The following IPPK variants were observed in gnomAD, a reference collection of about 807,000 sequenced individuals.
IPPK encodes IPK1 homolog.
A neutral mutation model predicts 64.6 loss-of-function variants in IPPK; 22 were observed. That is an observed-to-expected ratio of 0.34 (90% CI 0.24 to 0.49). IPPK has a LOEUF of 0.49. Among genes scored for constraint, IPPK ranks in the 20% least tolerant of loss-of-function variants. The pLI, the probability that IPPK is intolerant of heterozygous loss-of-function variation, is 0.99. For missense variants in IPPK, 532 were observed against 630.7 expected, an observed-to-expected ratio of 0.84 and a Z score of 1.68; for synonymous variants, 262 against 247.2, an observed-to-expected ratio of 1.06 and a Z score of -0.56.
chr9:92,619,792 CT>C (rs1016084471), intron 11 of IPPK: 11 of 556,332 alleles, frequency 2.0e-5, no homozygotes, highest in Admixed American at 1.2e-4. Context: ...GCACCGCCCC[CT>C]GACCTCTCAC....
intron 11 of IPPK, among the ~76,000 whole-genome samples, chr9:92,627,020 T>G (rs1453294381): frequency 6.6e-6 from 1 of 151,896 alleles, no homozygotes; most frequent in Non-Finnish European, 1.5e-5. Context: ...AGAGGGAATT[T>G]ACCAAAAACC....
chr9:92,642,352 C>T (rs1409571545), intron 7 of IPPK, among the ~76,000 whole-genome samples: 1 of 152,248 alleles, frequency 6.6e-6, no homozygotes, highest in Non-Finnish European at 1.5e-5. Context: ...CAGACCTTGC[C>T]GGGGCAGAAA....
In IPPK at chr9:92,670,065, C is replaced by T; in HGVS notation, c.-77G>A. 2 of 1,102,826 alleles carry T rather than the reference C, an allele frequency of 1.8e-6. No homozygotes were observed. Among genetic ancestry groups the T allele is most frequent in the Non-Finnish European group, 1.3e-6 (1 of 766,570 alleles). 68.3% of individuals were successfully genotyped at this position (1,102,826 alleles called of 1,614,324 possible). Reference sequence around the variant, plus strand: ...GGGGGCCGCCCGCCTCGCTGGGAACCAGCCGCTGCGGTCGGGGGAGGAGCG... The same window carrying T: ...GGGGGCCGCCCGCCTCGCTGGGAACTAGCCGCTGCGGTCGGGGGAGGAGCG... On this transcript the variant is annotated 5_prime_UTR_variant, in exon 1 of 13. Transcript: ENST00000287996.
At chr9:92,618,250 C>CA (rs1851508420) in intron 12 of IPPK, 1 of 456,592 alleles carries the variant, frequency 2.2e-6, no homozygotes, top group Admixed American at 2.3e-5. Context: ...CCAGTGCCTA[C>CA]ACCCTAGGTC....
At chr9:92,666,550 A>G (rs1852601189) in intron 1 of IPPK, among the ~76,000 whole-genome samples, 1 of 152,168 alleles carries the variant, frequency 6.6e-6, no homozygotes, top group Non-Finnish European at 1.5e-5. Context: ...CTGGAGCTCC[A>G]GACACACACC....
intron 11 of IPPK, among the ~76,000 whole-genome samples, chr9:92,621,703 GA>G (rs1851636619): frequency 6.6e-6 from 1 of 151,922 alleles, no homozygotes; most frequent in Non-Finnish European, 1.5e-5. Flanking sequence ...TTTTATTAGA[GA>G]CGAGGTCTCG....
At chr9:92,626,870 C>T (rs945448919) in intron 11 of IPPK, among the ~76,000 whole-genome samples, 3 of 151,328 alleles carry the variant, frequency 2.0e-5, no homozygotes, top group African/African-American at 7.3e-5. Flanking sequence ...CAGAAGACAT[C>T]TTAACAGCAA....
chr9:92,663,285 T>C lies in IPPK; in HGVS notation c.82-4604A>G, dbSNP rs528736106. On this transcript the variant is annotated intron_variant, in intron 1 of 12. Transcript: ENST00000287996. ...CACTTCCCATTGTGTCCCAATGGCC[T>C]GCAGTACTCAGTCCAGAACCATGCT... Among the ~76,000 whole-genome samples, 3 of 152,314 alleles carry C rather than the reference T, an allele frequency of 2.0e-5. No individual in the cohort carries two copies. The South Asian group carries it at 6.2e-4, about 32-fold the overall frequency.
intron 11 of IPPK, chr9:92,620,556 C>T (rs1851597615): frequency 6.6e-6 from 1 of 152,240 alleles, no homozygotes; most frequent in South Asian, 2.1e-4. Flanking sequence ...CATCACTGGC[C>T]TCAATATTTG....
At position 92,613,452 on chromosome 9, in the gene IPPK, C is replaced by T. The variant is rs558623868; in HGVS notation, c.*2380G>A. On this transcript the variant is annotated 3_prime_UTR_variant, in exon 13 of 13. Transcript: ENST00000287996. ...GTGGGGAGGATCCATCCCCCACCCACTGCAGCCTCACACCGAGTCCACCTT... is the reference window on the plus strand; with the variant it reads ...GTGGGGAGGATCCATCCCCCACCCATTGCAGCCTCACACCGAGTCCACCTT... 1 of 325,304 alleles carries T rather than the reference C, an allele frequency of 3.1e-6. No homozygotes were observed. Among genetic ancestry groups the T allele is most frequent in the African/African-American group, 2.1e-5 (1 of 47,002 alleles). The allele number at this position is 325,304 out of a possible 1,614,324, so 20.2% of individuals were successfully genotyped here.
intron 1 of IPPK, among the ~76,000 whole-genome samples, chr9:92,660,350 G>A (rs762760316): frequency 6.6e-6 from 1 of 152,196 alleles, no homozygotes; most frequent in Non-Finnish European, 1.5e-5. Context: ...TCCCTGATCA[G>A]TGTAAACTGA....
chr9:92,661,729 C>A (rs190697596), intron 1 of IPPK, among the ~76,000 whole-genome samples: 1 of 152,360 alleles, frequency 6.6e-6, no homozygotes, highest in East Asian at 1.9e-4. Context: ...TTACAAGAAA[C>A]CTACCCCCAG....
At chr9:92,645,714 C>A (rs977742989) in intron 6 of IPPK, among the ~76,000 whole-genome samples, 1 of 152,036 alleles carries the variant, frequency 6.6e-6, no homozygotes, top group Non-Finnish European at 1.5e-5. Context: ...CATGACATAT[C>A]CTCAGTGCTA....
In IPPK at chr9:92,640,745, G is replaced by A. The variant is rs1474862421; in HGVS notation, c.601C>T (p.Leu201=). The change falls in exon 8 of 13, where the codon CTG becomes TTG. Residue 201 remains leucine, a synonymous_variant. Coordinates refer to ENST00000287996, the MANE Select transcript of IPPK (RefSeq NM_022755.6). Reference sequence around the variant, plus strand: ...TTCAAGTTGTTCTGTGCCTCCTGCAGCAAACTCTTCAAGGCAAAGTGCATT... The same window carrying A: ...TTCAAGTTGTTCTGTGCCTCCTGCAACAAACTCTTCAAGGCAAAGTGCATT... ...QRMHFALKSL[L]QEAQNNLKIF... The A allele has an allele frequency of 6.2e-7, 1 of 1,612,964 alleles. No homozygotes were observed. Among genetic ancestry groups the A allele is most frequent in the South Asian group, 1.1e-5 (1 of 91,046 alleles).
rs1335792101 is a variant in IPPK, at chr9:92,656,520, T to C, written c.161A>G (p.Asn54Ser). 2.5e-6 allele frequency: 4 copies of C among 1,613,548 alleles called. No individual in the cohort carries two copies. The highest frequency in any genetic ancestry group is 2.2e-5 in the East Asian group (1 of 44,876). The change falls in exon 3 of 13, where the codon AAC becomes AGC. Residue 54 changes from asparagine to serine, a missense_variant. Transcript: ENST00000287996. The part of the protein sequence containing the change: ...TSEEIFQHLQ[N>S]IVDFGKNVMK... Reference sequence around the variant, plus strand: ...GACATTTTTCCCAAAGTCCACTATGTTCTGCAGGTGTTGAAATATCTCTTC... The same window carrying C: ...GACATTTTTCCCAAAGTCCACTATGCTCTGCAGGTGTTGAAATATCTCTTC...
At position 92,635,365 on chromosome 9, in the gene IPPK, G is replaced by A; in HGVS notation, c.917-57C>T. Reference sequence around the variant, plus strand: ...TGTTGATTATCAAAGAACGTGGAGGGAGACACAGGCCGGCGCAGACCGCAG... The same window carrying A: ...TGTTGATTATCAAAGAACGTGGAGGAAGACACAGGCCGGCGCAGACCGCAG... On this transcript the variant is annotated intron_variant, in intron 9 of 12. Transcript: ENST00000287996. The surrounding 1 kb of genome is among the most constrained non-coding windows in gnomAD (Gnocchi z 4.4). The A allele has an allele frequency of 2.5e-6, 4 of 1,571,844 alleles. No homozygotes were observed. Among genetic ancestry groups the A allele is most frequent in the Non-Finnish European group, 3.5e-6 (4 of 1,155,024 alleles).
At chr9:92,634,245 C>T (rs1851896535) in intron 11 of IPPK, 141 bp downstream of exon 11, 3 of 623,458 alleles carry the variant, frequency 4.8e-6, no homozygotes, top group South Asian at 2.0e-5. Flanking sequence ...GGAGAAACTT[C>T]AGCCACTTCT....
intron 1 of IPPK, among the ~76,000 whole-genome samples, chr9:92,658,907 C>G (rs1324314904): frequency 3.3e-5 from 5 of 152,174 alleles, no homozygotes; most frequent in Non-Finnish European, 5.9e-5. Context: ...CCAGCCCCTC[C>G]CAGGACTTTA....
In IPPK at chr9:92,614,631, TTTCC is replaced by T. The variant is rs755270502; in HGVS notation, c.*1197_*1200del. ...CAAAAATTTACAATCAGCAAAATAGTTTCCTTATTTCTCATGTATCATTTTCATA... is the reference window on the plus strand; with the variant it reads ...CAAAAATTTACAATCAGCAAAATAGTTTATTTCTCATGTATCATTTTCATA... On this transcript the variant is annotated 3_prime_UTR_variant, in exon 13 of 13. Coordinates refer to ENST00000287996, the MANE Select transcript of IPPK (RefSeq NM_022755.6). 1 of 152,656 alleles carries T rather than the reference TTTCC, an allele frequency of 6.6e-6. No homozygotes were observed. The highest frequency in any genetic ancestry group is 2.4e-5 in the African/African-American group (1 of 41,462). 9.5% of individuals were successfully genotyped at this position (152,656 alleles called of 1,614,324 possible). A position where few individuals can be genotyped will look rare whatever the true frequency, so the allele number is the denominator to read the frequency against.
Sources: gnomAD v4.1 joint callset for allele counts (sites outside exome capture counted in the v4.1 genomes callset) on GRCh38, gnomAD v4.1.1 for gene constraint, Gnocchi (gnomAD v3.1) non-coding constraint, MANE v1.5 for transcripts, NCBI Gene and HGNC (gene_info 2026-07-23, HGNC 2026-07-21) for gene names.